ALDH8A1: variants seen among roughly 807,000 people sequenced by gnomAD.
ALDH8A1 encodes the protein aldehyde dehydrogenase 8 family member A1.
ALDH8A1 carries 39 observed loss-of-function variants against 43.3 expected under a neutral mutation model. The observed-to-expected ratio is 0.90, with a 90% CI of 0.70 to 1.18. ALDH8A1 has a LOEUF of 1.18. ALDH8A1 is among the 50% of genes most tolerant of loss of function. The pLI is 0.00. For missense variants in ALDH8A1, 605 were observed against 622.6 expected, an observed-to-expected ratio of 0.97 and a Z score of 0.30; for synonymous variants, 233 against 243.5, an observed-to-expected ratio of 0.96 and a Z score of 0.40.
chr6:134,925,562 C>A lies in ALDH8A1; in HGVS notation c.1011+3492G>T, dbSNP rs563573351. 1.5e-3 allele frequency among the ~76,000 whole-genome samples: 230 copies of A among 152,286 alleles called. 1 individual carries two copies. The highest frequency in any genetic ancestry group is 5.1e-3 in the African/African-American group (212 of 41,544). ...TGGAGGATATATTGTAACTGGAACA[C>A]ATCATGTGGTGTTAATTCAGTCATT... On this transcript the variant is annotated intron_variant, in intron 6 of 6. Coordinates refer to ENST00000265605, the MANE Select transcript of ALDH8A1 (RefSeq NM_022568.4).
chr6:134,940,109 C>G (rs1773827781), intron 3 of ALDH8A1: 2 of 282,464 alleles, frequency 7.1e-6, no homozygotes. Flanking sequence ...GGATAAAGAG[C>G]AAATGCATGC....
At chr6:134,930,052 G>A (rs538090397) in intron 5 of ALDH8A1, among the ~76,000 whole-genome samples, 1 of 152,314 alleles carries the variant, frequency 6.6e-6, no homozygotes. Flanking sequence ...TCTTCCAGGG[G>A]CACGGGACCT....
At position 134,942,570 on chromosome 6, in the gene ALDH8A1, A is replaced by G. The variant is rs776674323; in HGVS notation, c.287-6T>C. 6.2e-7 allele frequency: 1 copy of G among 1,612,368 alleles called. No individual in the cohort carries two copies. ...TGCCAGTGCTAAGGTTTTCCCTGTA[A>G]GAAGCAAACAACATAAAGCACTATC... On this transcript the variant is annotated splice_region_variant and splice_polypyrimidine_tract_variant and intron_variant, in intron 2 of 6. Coordinates refer to ENST00000265605, the MANE Select transcript of ALDH8A1 (RefSeq NM_022568.4).
At chr6:134,919,443 G>T (rs1321928803) in intron 6 of ALDH8A1, among the ~76,000 whole-genome samples, 1 of 152,048 alleles carries the variant, frequency 6.6e-6, no homozygotes, top group African/African-American at 2.4e-5. Flanking sequence ...TCTCATTACT[G>T]AATATACTCT....
In ALDH8A1 at chr6:134,918,704, A is replaced by G; in HGVS notation, c.1175T>C (p.Ile392Thr). 3.7e-6 allele frequency: 6 copies of G among 1,614,168 alleles called. No homozygotes were observed. Among genetic ancestry groups the G allele is most frequent in the South Asian group, 2.2e-5 (2 of 91,082 alleles). The change falls in exon 7 of 7, where the codon ATA becomes ACA. Residue 392 changes from isoleucine to threonine, a missense_variant. By Grantham distance (89) the Ile-to-Thr change is moderately conservative. Transcript: ENST00000265605. The stretch of plus-strand genomic sequence containing the variant: ...GACGACACACGTCACTGGACCAAAT[A>G]TCTCTTCCGTCATGCAGCAGGATTC... ...KDESCCMTEE[I>T]FGPVTCVVPF...
intron 3 of ALDH8A1, among the ~76,000 whole-genome samples, chr6:134,941,202 GTTCT>G (rs762219430): frequency 1.3e-5 from 2 of 151,980 alleles, no homozygotes; most frequent in Non-Finnish European, 2.9e-5. Context: ...TACATAAATA[GTTCT>G]TTCTTTTTTT....
chr6:134,944,241 T>C, intron 1 of ALDH8A1: 1 of 305,484 alleles, frequency 3.3e-6, no homozygotes, highest in South Asian at 5.2e-5. Context: ...CTAATTTTTG[T>C]ATTTTTTAGT....
At chr6:134,933,428 G>A (rs755682223) in intron 4 of ALDH8A1, among the ~76,000 whole-genome samples, 3 of 152,216 alleles carry the variant, frequency 2.0e-5, no homozygotes, top group Non-Finnish European at 4.4e-5. Context: ...TCACAATGCT[G>A]TGTGAAAACA....
At chr6:134,944,910 A>C (rs1473808067) in intron 1 of ALDH8A1, among the ~76,000 whole-genome samples, 1 of 141,014 alleles carries the variant, frequency 7.1e-6, no homozygotes, top group African/African-American at 2.8e-5. Flanking sequence ...TATGTTATAC[A>C]TATATACTAT....
At chr6:134,942,267 A>G in intron 3 of ALDH8A1, 142 bp downstream of exon 3, 1 of 1,046,656 alleles carries the variant, frequency 9.6e-7, no homozygotes, top group Non-Finnish European at 1.3e-6. Context: ...CTAGAAATAG[A>G]TCTTTGAGGC....
In ALDH8A1 at chr6:134,918,292, A is replaced by G; in HGVS notation, c.*123T>C. Reference sequence around the variant, plus strand: ...AGTTACTAAGAACTGAGGATAAGCTAGAGATAACCTTCTGCCAAGTCAAGG... The same window carrying G: ...AGTTACTAAGAACTGAGGATAAGCTGGAGATAACCTTCTGCCAAGTCAAGG... On this transcript the variant is annotated 3_prime_UTR_variant, in exon 7 of 7. Coordinates refer to ENST00000265605, the MANE Select transcript of ALDH8A1 (RefSeq NM_022568.4). The G allele has an allele frequency of 1.1e-6, 1 of 877,018 alleles. No homozygotes were observed. Among genetic ancestry groups the G allele is most frequent in the Non-Finnish European group, 1.8e-6 (1 of 570,494 alleles). The allele number at this position is 877,018 out of a possible 1,614,324, so 54.3% of individuals were successfully genotyped here. A position where few individuals can be genotyped will look rare whatever the true frequency, so the allele number is the denominator to read the frequency against.
chr6:134,922,513 G>A (rs533384240), intron 6 of ALDH8A1, among the ~76,000 whole-genome samples: 17 of 151,682 alleles, frequency 1.1e-4, no homozygotes, highest in South Asian at 4.2e-4. Flanking sequence ...TCAGCCTCCC[G>A]AGTAGCTGGG....
chr6:134,947,885 C>T (rs1231782428), intron 1 of ALDH8A1, among the ~76,000 whole-genome samples: 6 of 151,616 alleles, frequency 4.0e-5, no homozygotes, highest in Admixed American at 6.6e-5. Flanking sequence ...TATGATCCAG[C>T]AATCCCACTA....
chr6:134,936,937 G>T (rs777745474), intron 4 of ALDH8A1, among the ~76,000 whole-genome samples: 6 of 152,140 alleles, frequency 3.9e-5, no homozygotes, highest in Admixed American at 2.6e-4. Context: ...AGGAACAGAC[G>T]AGAACAGACT....
At chr6:134,930,016 A>G (rs1489846936) in intron 5 of ALDH8A1, among the ~76,000 whole-genome samples, 1 of 152,216 alleles carries the variant, frequency 6.6e-6, no homozygotes, top group Non-Finnish European at 1.5e-5. Flanking sequence ...CAGAGGAGTG[A>G]AAAGGACCCA....
intron 1 of ALDH8A1, among the ~76,000 whole-genome samples, chr6:134,946,972 TTAAAA>T (rs1222294618): frequency 7.2e-5 from 11 of 152,208 alleles, no homozygotes; most frequent in African/African-American, 2.7e-4. Flanking sequence ...CTACCAGACT[TTAAAA>T]TATACTACAA....
chr6:134,943,218 T>C (rs1290805362), intron 2 of ALDH8A1, among the ~76,000 whole-genome samples: 1 of 152,248 alleles, frequency 6.6e-6, no homozygotes, highest in African/African-American at 2.4e-5. Flanking sequence ...GGGCTTGGAC[T>C]CAGGCTGCTT....
chr6:134,920,543 G>A (rs1776782133), intron 6 of ALDH8A1, among the ~76,000 whole-genome samples: 1 of 152,082 alleles, frequency 6.6e-6, no homozygotes, highest in African/African-American at 2.4e-5. Flanking sequence ...CCATTATGTC[G>A]AATGTGATCA....
Position 134,918,589 on chromosome 6 carries a change from G to A in ALDH8A1, c.1290C>T (p.Arg430=), listed in dbSNP as rs75706205. 5.8e-4 allele frequency: 942 copies of A among 1,614,176 alleles called. 9 individuals are homozygous for A. The African/African-American group carries it at 0.011, about 19-fold the overall frequency. Residue 430 remains arginine (R), a synonymous_variant, in exon 7 of 7, where the codon CGC becomes CGT. Transcript: ENST00000265605. ...GCAGCTTCTTAGCCACCCGGTGGAC[G>A]CGCCCCACATTGCTGGACCACACGG... ...AATVWSSNVG[R]VHRVAKKLQS...
Sources: allele counts gnomAD v4.1 joint callset (sites outside exome capture counted in the v4.1 genomes callset), GRCh38; gene constraint gnomAD v4.1.1; transcripts MANE v1.5; gene names NCBI Gene and HGNC (gene_info 2026-07-23, HGNC 2026-07-21).